C6orf132: variants seen among roughly 807,000 people sequenced by gnomAD.
C6orf132 encodes uncharacterized protein C6orf132.
In C6orf132, 43 loss-of-function variants were observed where a neutral mutation model predicts 65.3. That is an observed-to-expected ratio of 0.66 (90% CI 0.52 to 0.85). The LOEUF (loss-of-function observed/expected upper bound fraction) is 0.85. Ranked by LOEUF, C6orf132 falls within the 40% of genes least tolerant of loss-of-function variation. C6orf132 has a pLI of 0.00. For missense variants in C6orf132, 1,488 were observed against 1,548.8 expected (o/e 0.96, Z 0.66); for synonymous variants, 631 against 654.1 (o/e 0.96, Z 0.54).
intron 1 of C6orf132, among the ~76,000 whole-genome samples, chr6:42,133,647 C>T (rs182790715): frequency 1.5e-3 from 231 of 152,234 alleles, no homozygotes; most frequent in African/African-American, 4.5e-3. Context: ...AACTCACATG[C>T]AAATAATGCA....
In C6orf132 at chr6:42,103,745, T is replaced by C. The variant is rs1184992050; in HGVS notation, c.*16A>G. ...AAGACACAGTTTGTTGGAGTAGAGCTAAGAGAACCCCTGGCTCAGGAGGTG... is the reference window on the plus strand; with the variant it reads ...AAGACACAGTTTGTTGGAGTAGAGCCAAGAGAACCCCTGGCTCAGGAGGTG... On this transcript the variant is annotated 3_prime_UTR_variant, in exon 5 of 5. Transcript: ENST00000341865. The C allele has an allele frequency of 7.3e-7, 1 of 1,364,638 alleles. No homozygotes were observed. Among genetic ancestry groups the C allele is most frequent in the Admixed American group, 3.2e-5 (1 of 31,330 alleles). The allele number at this position is 1,364,638 out of a possible 1,614,324, so 84.5% of individuals were successfully genotyped here. A position where few individuals can be genotyped will look rare whatever the true frequency, so the allele number is the denominator to read the frequency against.
intron 2 of C6orf132, among the ~76,000 whole-genome samples, chr6:42,122,139 A>G (rs997302113): frequency 1.1e-4 from 17 of 152,180 alleles, no homozygotes; most frequent in Non-Finnish European, 4.4e-5. Context: ...GGGGCCAGAA[A>G]AGAGTGTCCA....
intron 2 of C6orf132, among the ~76,000 whole-genome samples, chr6:42,115,934 C>CTTTTTTTTTTTTT (rs67542628): frequency 2.6e-4 from 28 of 106,384 alleles, no homozygotes; most frequent in African/African-American, 4.6e-4. Context: ...TTTTCTTTTT[C>CTTTTTTTTTTTTT]TTTTTTTTTT....
chr6:42,120,075 C>T (rs967091266), intron 2 of C6orf132, among the ~76,000 whole-genome samples: 2 of 151,648 alleles, frequency 1.3e-5, no homozygotes, highest in Non-Finnish European at 2.9e-5. Context: ...GCCTGGGCAA[C>T]AAGAGCGAAA....
At chr6:42,131,020 G>A (rs1160466694) in intron 1 of C6orf132, among the ~76,000 whole-genome samples, 1 of 152,112 alleles carries the variant, frequency 6.6e-6, no homozygotes, top group African/African-American at 2.4e-5. Flanking sequence ...GAAGTAGTTG[G>A]GATTACAGGT....
chr6:42,137,035 A>T (rs1451784637), intron 1 of C6orf132, among the ~76,000 whole-genome samples: 8 of 152,294 alleles, frequency 5.3e-5, no homozygotes, highest in African/African-American at 1.9e-4. Flanking sequence ...ACCGAAACAA[A>T]TCTAATCTTA....
intron 3 of C6orf132, among the ~76,000 whole-genome samples, chr6:42,108,930 G>A (rs1261004173): frequency 6.6e-6 from 1 of 152,118 alleles, no homozygotes; most frequent in Non-Finnish European, 1.5e-5. Flanking sequence ...AACATTCACT[G>A]AGCACCCAAC....
Position 42,104,410 on chromosome 6 carries a change from G to C in C6orf132, c.3449+53C>G. ...GGATGGCCGGGACTCCTTGGCCCTC[G>C]CCTGGCTTTCCACCCCTCCTGGCTT... On this transcript the variant is annotated intron_variant, in intron 4 of 4. Coordinates refer to ENST00000341865, the MANE Select transcript of C6orf132 (RefSeq NM_001164446.3). This position sits in a 1 kb window ranked among gnomAD's most constrained non-coding sequence, Gnocchi z 4.1. 8.1e-7 allele frequency: 1 copy of C among 1,228,306 alleles called. No homozygotes were observed. The highest frequency in any genetic ancestry group is 1.0e-6 in the Non-Finnish European group (1 of 985,970). 76.1% of individuals were successfully genotyped at this position (1,228,306 alleles called of 1,614,324 possible).
In C6orf132 at chr6:42,106,511, C is replaced by T; in HGVS notation, c.1401G>A (p.Met467Ile). ...APVDWRDPSQ[M>I]EKLRNELAAY... ...CTGCCAGCTCGTTCCGCAGCTTTTCCATCTGGCTGGGGTCCCTCCAGTCCA... is the reference window on the plus strand; with the variant it reads ...CTGCCAGCTCGTTCCGCAGCTTTTCTATCTGGCTGGGGTCCCTCCAGTCCA... Residue 467 changes from methionine (M) to isoleucine (I), a missense_variant, in exon 4 of 5, where the codon ATG becomes ATA. Physicochemically the swap from Met to Ile is conservative, Grantham distance 10 (BLOSUM62 1). Coordinates refer to ENST00000341865, the MANE Select transcript of C6orf132 (RefSeq NM_001164446.3). The T allele has an allele frequency of 1.3e-6, 2 of 1,536,310 alleles. No individual in the cohort carries two copies. Among genetic ancestry groups the T allele is most frequent in the Non-Finnish European group, 1.7e-6 (2 of 1,146,820 alleles).
chr6:42,122,736 G>A (rs1766706722), intron 2 of C6orf132, among the ~76,000 whole-genome samples: 1 of 152,202 alleles, frequency 6.6e-6, no homozygotes, highest in South Asian at 2.1e-4. Context: ...CAGCAGCGGG[G>A]TGGGTGGAAA....
rs1467823243 is a variant in C6orf132 at position 42,103,753 on chromosome 6, C to G, written c.*8G>C. The G allele has an allele frequency of 2.0e-5, 28 of 1,388,918 alleles. No homozygotes were observed. Among genetic ancestry groups the G allele is most frequent in the Non-Finnish European group, 2.5e-5 (27 of 1,067,960 alleles). 86.0% of individuals were successfully genotyped at this position (1,388,918 alleles called of 1,614,324 possible). Reference sequence around the variant, plus strand: ...GTTTGTTGGAGTAGAGCTAAGAGAACCCCTGGCTCAGGAGGTGGCTTTCCG... The same window carrying G: ...GTTTGTTGGAGTAGAGCTAAGAGAAGCCCTGGCTCAGGAGGTGGCTTTCCG... On this transcript the variant is annotated 3_prime_UTR_variant, in exon 5 of 5. Coordinates refer to ENST00000341865, the MANE Select transcript of C6orf132 (RefSeq NM_001164446.3).
In C6orf132 at chr6:42,107,520, C is replaced by G. The variant is rs1229268928; in HGVS notation, c.392G>C (p.Gly131Ala). ...GATGAGTAGATCCTGGCCATATTGT[C>G]CAGGCCTCAGGTCACCCACAGAGCT... ...LYSSVGDLRP[G>A]QYGQDLLIPP... Residue 131 changes from glycine to alanine, a missense_variant, in exon 4 of 5, where the codon GGA (glycine) becomes GCA (alanine). Physicochemically the swap from Gly to Ala is moderately conservative, Grantham distance 60. Coordinates refer to ENST00000341865, the MANE Select transcript of C6orf132 (RefSeq NM_001164446.3). 3 of 1,550,330 alleles carry G rather than the reference C, an allele frequency of 1.9e-6. No individual in the cohort carries two copies. Among genetic ancestry groups the G allele is most frequent in the Non-Finnish European group, 2.6e-6 (3 of 1,146,580 alleles).
rs1410603080 is a variant in C6orf132 at position 42,101,645 on chromosome 6, C to G, written c.*2116G>C. ...TACAGCTGAGAGTCTACGCCCCACCCCTCGAGCCTTAACATAGCAGATAAA... is the reference window on the plus strand; with the variant it reads ...TACAGCTGAGAGTCTACGCCCCACCGCTCGAGCCTTAACATAGCAGATAAA... On this transcript the variant is annotated 3_prime_UTR_variant, in exon 5 of 5. Transcript: ENST00000341865. The G allele has an allele frequency of 1.3e-5, 2 of 152,212 alleles. No homozygotes were observed. The highest frequency in any genetic ancestry group is 1.3e-4 in the Admixed American group (2 of 15,274). The allele number at this position is 152,212 out of a possible 1,614,324, so 9.4% of individuals were successfully genotyped here. A position where few individuals can be genotyped will look rare whatever the true frequency, so the allele number is the denominator to read the frequency against.
In C6orf132 at chr6:42,124,596, C is replaced by T. The variant is rs1324115320; in HGVS notation, c.252+4076G>A. On this transcript the variant is annotated intron_variant, in intron 2 of 4. Transcript: ENST00000341865. The surrounding 1 kb of genome is among the most constrained non-coding windows in gnomAD (Gnocchi z 4.0). ...GGACAGGGAGGGGTGGAGGCCTGGC[C>T]GGCTGGGACAGTGTCAGGCAGGGCT... 1.3e-5 allele frequency among the ~76,000 whole-genome samples: 2 copies of T among 152,158 alleles called. No homozygotes were observed. The highest frequency in any genetic ancestry group is 2.4e-5 in the African/African-American group (1 of 41,456).
At chr6:42,122,826 C>T (rs1000928556) in intron 2 of C6orf132, among the ~76,000 whole-genome samples, 1 of 152,146 alleles carries the variant, frequency 6.6e-6, no homozygotes, top group African/African-American at 2.4e-5. Context: ...GGCCTCCTGC[C>T]TGAGCCTAGG....
In C6orf132 at chr6:42,103,532, C is replaced by T. The variant is rs554166777; in HGVS notation, c.*229G>A. 5.2e-6 allele frequency: 2 copies of T among 381,980 alleles called. No homozygotes were observed. Among genetic ancestry groups the T allele is most frequent in the Non-Finnish European group, 9.2e-6 (2 of 216,792 alleles). The allele number at this position is 381,980 out of a possible 1,614,324, so 23.7% of individuals were successfully genotyped here. ...CTCTACCCTCCTTCCCCTCCCACCC[C>T]CCACGTGTAAACAGTCCACAGTCAC... On this transcript the variant is annotated 3_prime_UTR_variant, in exon 5 of 5. Transcript: ENST00000341865.
Position 42,142,599 on chromosome 6 carries a change from G to GGC in C6orf132, c.-156_-155insGC. 3 of 346,548 alleles carry GGC rather than the reference G, an allele frequency of 8.7e-6. No individual in the cohort carries two copies. Among genetic ancestry groups the GGC allele is most frequent in the Non-Finnish European group, 1.4e-5 (3 of 212,426 alleles). 21.5% of individuals were successfully genotyped at this position (346,548 alleles called of 1,614,324 possible). On this transcript the variant is annotated 5_prime_UTR_variant, in exon 1 of 5. Coordinates refer to ENST00000341865, the MANE Select transcript of C6orf132 (RefSeq NM_001164446.3). ...GCGCACCGGGCAACAGGTGCTGCGG[G>GGC]CGCCGCCGCTTGCCGGGAAATGCGA...
Position 42,120,315 on chromosome 6 carries a change from C to T in C6orf132, c.252+8357G>A, listed in dbSNP as rs55919112. Reference sequence around the variant, plus strand: ...AGGCTGGAGTGCAGTGGCGCGATCTCGGCTCACTGCAAGCTCCGCCTCCCG... The same window carrying T: ...AGGCTGGAGTGCAGTGGCGCGATCTTGGCTCACTGCAAGCTCCGCCTCCCG... On this transcript the variant is annotated intron_variant, in intron 2 of 4. Coordinates refer to ENST00000341865, the MANE Select transcript of C6orf132 (RefSeq NM_001164446.3). 5.5e-5 allele frequency among the ~76,000 whole-genome samples: 8 copies of T among 146,780 alleles called. No individual in the cohort carries two copies. In the East Asian group the frequency reaches 6.4e-4, roughly 12 times the overall value.
At chr6:42,136,635 G>A (rs569853640) in intron 1 of C6orf132, among the ~76,000 whole-genome samples, 4 of 152,312 alleles carry the variant, frequency 2.6e-5, no homozygotes, top group Non-Finnish European at 5.9e-5. Context: ...CAGCGGGGGC[G>A]GCCCCATGTG....
Sources: allele counts gnomAD v4.1 joint callset (sites outside exome capture counted in the v4.1 genomes callset), GRCh38; gene constraint gnomAD v4.1.1; non-coding constraint Gnocchi (gnomAD v3.1); transcripts MANE v1.5; gene names NCBI Gene and HGNC (gene_info 2026-07-23, HGNC 2026-07-21).